The following OR2C1 variants were observed in gnomAD, a reference collection of about 807,000 sequenced individuals.
OR2C1 encodes the protein olfactory receptor 2C1.
For missense variants in OR2C1, 468 were observed against 388.3 expected, an observed-to-expected ratio of 1.21 and a Z score of -1.73; for synonymous variants, 209 against 167.3, an observed-to-expected ratio of 1.25 and a Z score of -1.92.
In OR2C1 at chr16:3,356,552, C is replaced by A; in HGVS notation, c.612C>A (p.Thr204=). The change falls in exon 1 of 1, where the codon ACC becomes ACA. Residue 204 remains threonine, a synonymous_variant. Transcript: ENST00000304936. ...LNQAVLNGVC[T]FFTAVPLSII... is the part of the protein sequence containing the mutation. ...AGGCTGTGCTCAATGGTGTCTGCAC[C>A]TTCTTCACTGCAGTCCCACTAAGCA... 1 of 1,614,194 alleles carries A rather than the reference C, an allele frequency of 6.2e-7. No homozygotes were observed. Among genetic ancestry groups the A allele is most frequent in the Non-Finnish European group, 8.5e-7 (1 of 1,180,032 alleles).
At chr16:3,348,593 C>A in the OR2C1 span, among the ~76,000 whole-genome samples, 2 of 152,208 alleles carry the variant, frequency 1.3e-5, no homozygotes, top group African/African-American at 2.4e-5. Flanking sequence ...TCAGGAGAGA[C>A]TTGCTGGGGC....
chr16:3,328,253 T>C, the OR2C1 span, among the ~76,000 whole-genome samples: 1 of 152,212 alleles, frequency 6.6e-6, no homozygotes, highest in Non-Finnish European at 1.5e-5. Flanking sequence ...AGTGTGGTCT[T>C]ATAAAAACAT....
At chr16:3,334,049 T>C in the OR2C1 span, among the ~76,000 whole-genome samples, 1 of 152,084 alleles carries the variant, frequency 6.6e-6, no homozygotes, top group African/African-American at 2.4e-5. Flanking sequence ...CTTGGCTCAC[T>C]GCAACCTTCT....
the OR2C1 span, among the ~76,000 whole-genome samples, chr16:3,328,912 T>C: frequency 6.6e-6 from 1 of 152,006 alleles, no homozygotes; most frequent in East Asian, 1.9e-4. Flanking sequence ...TCACTTACTT[T>C]ATCACCAAGG....
At chr16:3,330,131 G>T in the OR2C1 span, among the ~76,000 whole-genome samples, 1 of 151,624 alleles carries the variant, frequency 6.6e-6, no homozygotes, top group Non-Finnish European at 1.5e-5. Context: ...TTTTGAGATG[G>T]TGTCTCGCTC....
upstream of OR2C1, among the ~76,000 whole-genome samples, chr16:3,351,472 G>A (rs772196873): frequency 6.6e-6 from 1 of 151,802 alleles, no homozygotes; most frequent in Non-Finnish European, 1.5e-5. Context: ...TATGGAGAAT[G>A]GTCTGAGAAA....
chr16:3,325,734 A>G, the OR2C1 span, among the ~76,000 whole-genome samples: 15 of 151,574 alleles, frequency 9.9e-5, no homozygotes, highest in Admixed American at 3.3e-4. Context: ...TCTTAAGTGT[A>G]TATATTTTTA....
Position 3,356,580 on chromosome 16 carries a change from A to T in OR2C1, c.640A>T (p.Ile214Phe). ...TFFTAVPLSI[I>F]VISYCLIAQA... ...CTTCACTGCAGTCCCACTAAGCATC[A>T]TCGTGATCTCCTACTGCCTCATTGC... The change falls in exon 1 of 1, where the codon ATC becomes TTC. Residue 214 changes from isoleucine to phenylalanine, a missense_variant. Ile to Phe is a conservative substitution (Grantham distance 21). Transcript: ENST00000304936. 1 of 1,614,182 alleles carries T rather than the reference A, an allele frequency of 6.2e-7. No individual in the cohort carries two copies. The highest frequency in any genetic ancestry group is 8.5e-7 in the Non-Finnish European group (1 of 1,180,044).
chr16:3,337,709 C>T, the OR2C1 span, among the ~76,000 whole-genome samples: 1 of 152,018 alleles, frequency 6.6e-6, no homozygotes, highest in African/African-American at 2.4e-5. Context: ...AATTCTGGGT[C>T]AGAGAGCTCA....
the OR2C1 span, among the ~76,000 whole-genome samples, chr16:3,328,547 A>AT: frequency 6.6e-6 from 1 of 152,236 alleles, no homozygotes; most frequent in Admixed American, 6.5e-5. Context: ...AAAACAACCA[A>AT]AAACCTAGCA....
chr16:3,331,598 C>T, the OR2C1 span, among the ~76,000 whole-genome samples: 1 of 151,444 alleles, frequency 6.6e-6, no homozygotes, highest in African/African-American at 2.4e-5. Context: ...TTTCAGCTTT[C>T]TCCATATGGC....
chr16:3,326,442 G>C, the OR2C1 span, among the ~76,000 whole-genome samples: 7 of 152,174 alleles, frequency 4.6e-5, no homozygotes, highest in African/African-American at 1.7e-4. Context: ...TCTGACCACA[G>C]ATTCACACCT....
upstream of OR2C1, among the ~76,000 whole-genome samples, chr16:3,352,738 C>CTT (rs56083973): frequency 3.5e-5 from 4 of 113,110 alleles, no homozygotes; most frequent in African/African-American, 6.7e-5. Context: ...TTCTTTCTTT[C>CTT]TTTTTTTTTT....
chr16:3,339,169 A>G, the OR2C1 span, among the ~76,000 whole-genome samples: 15,255 of 152,068 alleles, frequency 0.1, 911 homozygotes, highest in Middle Eastern at 0.32. Context: ...GCTCGTCTAC[A>G]TTGTAGCATA....
upstream of OR2C1, among the ~76,000 whole-genome samples, chr16:3,354,987 ACTCT>A (rs1296405856): frequency 6.6e-6 from 1 of 151,610 alleles, no homozygotes; most frequent in Non-Finnish European, 1.5e-5. Context: ...CTAATGGTCA[ACTCT>A]CTCTATCCCG....
chr16:3,353,972 T>TTTA (rs1567285634), upstream of OR2C1, among the ~76,000 whole-genome samples: 4 of 147,150 alleles, frequency 2.7e-5, no homozygotes, highest in African/African-American at 7.5e-5. Context: ...TGTTTGTTTT[T>TTTA]CTTTTCTTTT....
At chr16:3,332,406 G>T in the OR2C1 span, among the ~76,000 whole-genome samples, 1 of 151,888 alleles carries the variant, frequency 6.6e-6, no homozygotes, top group Admixed American at 6.6e-5. Flanking sequence ...AAGTGTAATA[G>T]ATTATTGTTG....
At chr16:3,355,202 C>T (rs1324470491), upstream of OR2C1, among the ~76,000 whole-genome samples, 2 of 151,910 alleles carry the variant, frequency 1.3e-5, no homozygotes, top group Admixed American at 1.3e-4. Context: ...GTGGCTCACA[C>T]CTGTAATCCC....
the OR2C1 span, among the ~76,000 whole-genome samples, chr16:3,339,678 G>A: frequency 2.0e-5 from 3 of 152,062 alleles, no homozygotes; most frequent in Non-Finnish European, 2.9e-5. Flanking sequence ...GGATGGTCTC[G>A]ATCTCTTGAC....
Sources: allele counts gnomAD v4.1 joint callset (sites outside exome capture counted in the v4.1 genomes callset), GRCh38; gene constraint gnomAD v4.1.1; transcripts MANE v1.5; gene names NCBI Gene and HGNC (gene_info 2026-07-23, HGNC 2026-07-21).